PALM2AKAP2: variants seen among roughly 807,000 people sequenced by gnomAD.
The protein encoded by PALM2AKAP2 is PALM2 and AKAP2 fusion, also known as PALM2-AKAP2 fusion protein.
A neutral mutation model predicts 71.5 loss-of-function variants in PALM2AKAP2; 37 were observed. The ratio of observed to expected loss-of-function variants is 0.52; its 90% CI spans 0.40 to 0.68. PALM2AKAP2 has a LOEUF of 0.68. Ranked by LOEUF, PALM2AKAP2 falls within the 30% of genes least tolerant of loss-of-function variation. The pLI is 0.00. For synonymous variants in PALM2AKAP2, 468 were observed against 478.8 expected (o/e 0.98, Z 0.29); for missense variants, 1,224 against 1,191.8 (o/e 1.03, Z -0.40).
At chr9:110,041,508 C>T (rs181635285) in intron 7 of PALM2AKAP2, among the ~76,000 whole-genome samples, 11 of 152,090 alleles carry the variant, frequency 7.2e-5, no homozygotes, top group African/African-American at 9.6e-5. Context: ...CAAGCAGCTG[C>T]GGTGAATATA....
intron 1 of PALM2AKAP2, among the ~76,000 whole-genome samples, chr9:109,750,604 G>GTGTGTGTA (rs1358677362): frequency 2.6e-5 from 4 of 151,216 alleles, no homozygotes; most frequent in Non-Finnish European, 5.9e-5. Flanking sequence ...GTGTGTGTAT[G>GTGTGTGTA]TGTGTGTGTC....
At chr9:109,797,009 A>C (rs1827277306) in intron 1 of PALM2AKAP2, among the ~76,000 whole-genome samples, 2 of 152,150 alleles carry the variant, frequency 1.3e-5, no homozygotes, top group Admixed American at 1.3e-4. Context: ...GGTACCCTAA[A>C]TTCTGTCTTA....
intron 1 of PALM2AKAP2, among the ~76,000 whole-genome samples, chr9:109,782,740 TTGTTTGTGTGTGTGTGTG>T (rs1282024889): frequency 7.9e-6 from 1 of 125,970 alleles, no homozygotes; most frequent in African/African-American, 3.3e-5. Flanking sequence ...CAGCGTGTGT[TTGTTTGTGTGTGTGTGTG>T]TGTGTGTGTG....
upstream of PALM2AKAP2, among the ~76,000 whole-genome samples, chr9:110,046,149 G>C (rs535403369): frequency 9.9e-5 from 15 of 152,212 alleles, 1 homozygote; most frequent in South Asian, 3.1e-3. Flanking sequence ...TAAAAACAGT[G>C]TTTACTTTTG....
intron 3 of PALM2AKAP2, among the ~76,000 whole-genome samples, chr9:110,158,510 C>T (rs751939458): frequency 1.2e-4 from 18 of 152,258 alleles, no homozygotes; most frequent in Admixed American, 8.5e-4. Context: ...TCACTCATTT[C>T]GTAAAGGCAG....
chr9:109,751,275 A>G (rs555159897), intron 1 of PALM2AKAP2, among the ~76,000 whole-genome samples: 3 of 152,324 alleles, frequency 2.0e-5, no homozygotes, highest in African/African-American at 7.2e-5. Context: ...TAAATTATTC[A>G]AATGTGCATT....
intron 1 of PALM2AKAP2, among the ~76,000 whole-genome samples, chr9:109,842,568 A>C (rs75467842): frequency 1.3e-5 from 2 of 152,208 alleles, no homozygotes; most frequent in Non-Finnish European, 1.5e-5. Flanking sequence ...ATTAAAATCT[A>C]TAATGAACAA....
At chr9:109,699,936 C>T (rs1343500958) in intron 1 of PALM2AKAP2, among the ~76,000 whole-genome samples, 3 of 152,062 alleles carry the variant, frequency 2.0e-5, no homozygotes, top group African/African-American at 4.8e-5. Flanking sequence ...CCGCCACACC[C>T]GGCTAATTTT....
chr9:110,003,601 C>T lies in PALM2AKAP2; in HGVS notation c.497-12353C>T, dbSNP rs555988891. Among the ~76,000 whole-genome samples, 20 of 152,142 alleles carry T rather than the reference C, an allele frequency of 1.3e-4. No homozygotes were observed. The East Asian group carries it at 2.1e-3, about 16-fold the overall frequency. ...GGATATCCTTGTTAACTTTCTGTCTCGTTGATCTGTCTAATGTTGACAGTG... is the reference window on the plus strand; with the variant it reads ...GGATATCCTTGTTAACTTTCTGTCTTGTTGATCTGTCTAATGTTGACAGTG... On this transcript the variant is annotated intron_variant, in intron 6 of 9. Transcript: ENST00000302798.
upstream of PALM2AKAP2, among the ~76,000 whole-genome samples, chr9:110,045,630 C>T (rs1465668876): frequency 2.0e-5 from 3 of 152,116 alleles, no homozygotes; most frequent in East Asian, 5.8e-4. Flanking sequence ...TGCAGTGGTG[C>T]AATCTCGGCT....
intron 1 of PALM2AKAP2, among the ~76,000 whole-genome samples, chr9:109,819,707 G>GTGTGTGTGTGTGTGTGTGTGTA (rs1827945188): frequency 8.4e-6 from 1 of 119,112 alleles, no homozygotes; most frequent in African/African-American, 2.9e-5. Context: ...GTGTGTGTAT[G>GTGTGTGTGTGTGTGTGTGTGTA]TGTGTGTGTG....
At chr9:109,765,923 A>G (rs1829143736) in intron 1 of PALM2AKAP2, among the ~76,000 whole-genome samples, 1 of 152,104 alleles carries the variant, frequency 6.6e-6, no homozygotes, top group African/African-American at 2.4e-5. Flanking sequence ...CAACCCAGTG[A>G]CCAATTGTGA....
intron 3 of PALM2AKAP2, among the ~76,000 whole-genome samples, chr9:109,881,631 A>G (rs1829853472): frequency 6.6e-6 from 1 of 152,156 alleles, no homozygotes; most frequent in Admixed American, 6.6e-5. Context: ...AATCTGGGAG[A>G]TAAGCGACCT....
At chr9:109,674,338 T>A (rs1827618134) in intron 1 of PALM2AKAP2, among the ~76,000 whole-genome samples, 1 of 152,104 alleles carries the variant, frequency 6.6e-6, no homozygotes, top group Admixed American at 6.6e-5. Flanking sequence ...TTCAGTTTAC[T>A]ATTTTTTTCT....
intron 1 of PALM2AKAP2, among the ~76,000 whole-genome samples, chr9:109,804,628 T>C (rs1048496803): frequency 6.6e-6 from 1 of 152,348 alleles, no homozygotes; most frequent in East Asian, 1.9e-4. Context: ...TCTGGTTAGC[T>C]GACAAATCAG....
chr9:109,838,594 T>C (rs1363487756), intron 1 of PALM2AKAP2, among the ~76,000 whole-genome samples: 3 of 152,110 alleles, frequency 2.0e-5, no homozygotes, highest in Admixed American at 2.0e-4. Flanking sequence ...CAGGAGCTGG[T>C]TTTTTGAAAA....
At chr9:109,893,650 G>T (rs1455276730) in intron 3 of PALM2AKAP2, among the ~76,000 whole-genome samples, 2 of 152,138 alleles carry the variant, frequency 1.3e-5, no homozygotes, top group African/African-American at 2.4e-5. Context: ...GTTTCACCGT[G>T]TTGGCCAGGG....
At chr9:109,837,410 G>C (rs1296004919) in intron 1 of PALM2AKAP2, among the ~76,000 whole-genome samples, 3 of 152,184 alleles carry the variant, frequency 2.0e-5, no homozygotes, top group Non-Finnish European at 1.5e-5. Flanking sequence ...ACCAGTACCA[G>C]CCACTGCAAA....
chr9:110,003,421 A>G (rs1029688777), intron 6 of PALM2AKAP2, among the ~76,000 whole-genome samples: 2 of 152,006 alleles, frequency 1.3e-5, no homozygotes, highest in Admixed American at 1.3e-4. Context: ...CTATTCTTTT[A>G]CATTTGCTGA....
Sources: allele counts gnomAD v4.1 joint callset (sites outside exome capture counted in the v4.1 genomes callset), GRCh38; gene constraint gnomAD v4.1.1; transcripts MANE v1.5; gene names NCBI Gene and HGNC (gene_info 2026-07-23, HGNC 2026-07-21).